The following SLC17A1 variants were observed in gnomAD, a reference collection of about 807,000 sequenced individuals.
The protein encoded by SLC17A1 is sodium-dependent phosphate transport protein 1.
A neutral mutation model predicts 53.5 loss-of-function variants in SLC17A1; 51 were observed. The observed-to-expected ratio is 0.95, with a 90% CI of 0.76 to 1.20. SLC17A1 has a LOEUF of 1.20. Among genes scored for constraint, SLC17A1 ranks in the 50% most tolerant of loss-of-function variants. The pLI is 0.00. For missense variants in SLC17A1, 538 were observed against 568.2 expected (o/e 0.95, Z 0.54); for synonymous variants, 179 against 198.8 (o/e 0.90, Z 0.84).
At chr6:25,742,512 C>CAAAAAAA in the SLC17A1 span, among the ~76,000 whole-genome samples, 1 of 127,142 alleles carries the variant, frequency 7.9e-6, no homozygotes, top group African/African-American at 3.1e-5. Flanking sequence ...AAAAACAATA[C>CAAAAAAA]AAAAAAAAAA....
intron 12 of SLC17A1, among the ~76,000 whole-genome samples, chr6:25,787,575 GTTGT>G (rs888185499): frequency 2.7e-4 from 41 of 152,172 alleles, no homozygotes; most frequent in African/African-American, 6.8e-4. Flanking sequence ...CTTTCTCATA[GTTGT>G]TTGTTGCCTG....
downstream of SLC17A1, chr6:25,779,105 A>G (rs762946402): frequency 6.8e-6 from 11 of 1,613,778 alleles, no homozygotes; most frequent in African/African-American, 1.3e-5. Flanking sequence ...TGCTGTTAAC[A>G]TATCGGGCCT....
chr6:25,819,020 T>A, intron 6 of SLC17A1, 48 bp downstream of exon 6: 2 of 1,310,518 alleles, frequency 1.5e-6, no homozygotes, highest in East Asian at 2.4e-5. Flanking sequence ...ATGTTTAAAT[T>A]TTTTTAGATT....
intron 2 of SLC17A1, among the ~76,000 whole-genome samples, chr6:25,829,908 T>C (rs1764886733): frequency 6.6e-6 from 1 of 152,134 alleles, no homozygotes; most frequent in South Asian, 2.1e-4. Flanking sequence ...GCAGATTAAA[T>C]GGACAACTTA....
At chr6:25,818,459 A>G (rs1764436329) in intron 6 of SLC17A1, among the ~76,000 whole-genome samples, 1 of 152,152 alleles carries the variant, frequency 6.6e-6, no homozygotes, top group East Asian at 1.9e-4. Flanking sequence ...TTGTAAATAA[A>G]TTCTTCCAAT....
chr6:25,757,845 T>G, the SLC17A1 span, among the ~76,000 whole-genome samples: 5 of 152,342 alleles, frequency 3.3e-5, no homozygotes, highest in Non-Finnish European at 5.9e-5. Context: ...AGGGGTGATA[T>G]GTGTTCACTA....
the SLC17A1 span, chr6:25,769,117 A>G: frequency 5.0e-6 from 8 of 1,614,070 alleles, no homozygotes; most frequent in East Asian, 1.6e-4. Context: ...AGCCAGCCCA[A>G]TGCTTCCACA....
intron 12 of SLC17A1, among the ~76,000 whole-genome samples, chr6:25,790,227 T>C (rs1763473027): frequency 6.6e-6 from 1 of 152,176 alleles, no homozygotes; most frequent in Non-Finnish European, 1.5e-5. Context: ...AAACATCTGA[T>C]TTAATACCCC....
At chr6:25,744,521 A>G in the SLC17A1 span, among the ~76,000 whole-genome samples, 1 of 152,320 alleles carries the variant, frequency 6.6e-6, no homozygotes. Context: ...AAACACCACC[A>G]TTATTAAAAA....
chr6:25,741,481 G>A, the SLC17A1 span, among the ~76,000 whole-genome samples: 2 of 151,454 alleles, frequency 1.3e-5, no homozygotes, highest in African/African-American at 2.4e-5. Context: ...TTGGGAGGCC[G>A]AGGCGAGTGG....
the SLC17A1 span, among the ~76,000 whole-genome samples, chr6:25,775,956 C>T: frequency 2.0e-5 from 3 of 152,130 alleles, no homozygotes; most frequent in Admixed American, 1.3e-4. Context: ...TTGAGCAATG[C>T]TGCAGTGAAA....
chr6:25,767,001 T>C, the SLC17A1 span, among the ~76,000 whole-genome samples: 1 of 152,186 alleles, frequency 6.6e-6, no homozygotes, highest in African/African-American at 2.4e-5. Flanking sequence ...GCAGGTTTAT[T>C]AATTGCAACA....
At chr6:25,756,188 T>A in the SLC17A1 span, among the ~76,000 whole-genome samples, 2 of 152,106 alleles carry the variant, frequency 1.3e-5, no homozygotes, top group South Asian at 4.2e-4. Context: ...ATCGAGACCA[T>A]CCTGCCCACC....
chr6:25,794,666 TCA>T (rs541111537), intron 12 of SLC17A1, among the ~76,000 whole-genome samples: 81 of 152,248 alleles, frequency 5.3e-4, no homozygotes, highest in African/African-American at 1.9e-3. Context: ...GGACATCAAC[TCA>T]CAGCTGTCTA....
the SLC17A1 span, among the ~76,000 whole-genome samples, chr6:25,728,115 A>G: frequency 6.8e-4 from 104 of 152,312 alleles, no homozygotes; most frequent in African/African-American, 2.3e-3. Context: ...GCGCAGCGAC[A>G]TAGACAGTAT....
At chr6:25,777,882 G>T in the SLC17A1 span, 4 of 1,512,958 alleles carry the variant, frequency 2.6e-6, no homozygotes, top group Non-Finnish European at 3.7e-6. Flanking sequence ...ACTTTCAAAC[G>T]TAGGTATACT....
chr6:25,732,561 G>GT, the SLC17A1 span: 1 of 667,082 alleles, frequency 1.5e-6, no homozygotes, highest in South Asian at 1.6e-5. Flanking sequence ...TGCCGAGAGG[G>GT]TCGGGGGCTG....
intron 10 of SLC17A1, among the ~76,000 whole-genome samples, chr6:25,806,637 G>T (rs1157003141): frequency 6.6e-6 from 1 of 151,966 alleles, no homozygotes; most frequent in African/African-American, 2.4e-5. Flanking sequence ...TCATGATTAA[G>T]ACCCCAAAAA....
At chr6:25,770,536 A>G in the SLC17A1 span, 1 of 1,432,826 alleles carries the variant, frequency 7.0e-7, no homozygotes. Context: ...AGTCCTGCCA[A>G]CAGAACCAAG....
Sources: allele counts gnomAD v4.1 joint callset (sites outside exome capture counted in the v4.1 genomes callset), GRCh38; gene constraint gnomAD v4.1.1; transcripts MANE v1.5; gene names NCBI Gene and HGNC (gene_info 2026-07-23, HGNC 2026-07-21).